STX7: variants seen among roughly 807,000 people sequenced by gnomAD.
STX7 encodes syntaxin-7.
A neutral mutation model predicts 39.6 loss-of-function variants in STX7; 34 were observed. The ratio of observed to expected loss-of-function variants is 0.86; its 90% CI spans 0.65 to 1.14. The LOEUF is 1.14. Among genes scored for constraint, STX7 ranks in the 50% most tolerant of loss-of-function variants. The pLI is 0.00. For missense variants in STX7, 284 were observed against 310.4 expected, an observed-to-expected ratio of 0.92 and a Z score of 0.64; for synonymous variants, 119 against 99.1, an observed-to-expected ratio of 1.20 and a Z score of -1.19.
rs1338882409 is a variant in STX7, at chr6:132,471,739, C to T, written c.250-139G>A. ...GGCCTTACAGATTAACTCTCAGTAACATTCTGATAGTATGTCAAATACTGT... is the reference window on the plus strand; with the variant it reads ...GGCCTTACAGATTAACTCTCAGTAATATTCTGATAGTATGTCAAATACTGT... On this transcript the variant is annotated intron_variant, in intron 4 of 9. Coordinates refer to ENST00000367941, the MANE Select transcript of STX7 (RefSeq NM_003569.3). 8.5e-6 allele frequency: 8 copies of T among 940,176 alleles called. No individual in the cohort carries two copies. The East Asian group carries it at 1.3e-4, about 15-fold the overall frequency. The allele number at this position is 940,176 out of a possible 1,614,324, so 58.2% of individuals were successfully genotyped here. A position where few individuals can be genotyped will look rare whatever the true frequency, so the allele number is the denominator to read the frequency against.
chr6:132,480,953 T>C (rs1273727000), intron 2 of STX7, among the ~76,000 whole-genome samples: 1 of 152,194 alleles, frequency 6.6e-6, no homozygotes, highest in Non-Finnish European at 1.5e-5. Flanking sequence ...GTACCATTTG[T>C]GGTTACTCTG....
chr6:132,466,940 G>A lies in STX7; in HGVS notation c.610+1463C>T, dbSNP rs115170482. Among the ~76,000 whole-genome samples, 446 of 152,028 alleles carry A rather than the reference G, an allele frequency of 2.9e-3. 5 individuals carry two copies. Among genetic ancestry groups the A allele is most frequent in the African/African-American group, 0.01 (420 of 41,468 alleles). On this transcript the variant is annotated intron_variant, in intron 8 of 9. Transcript: ENST00000367941. The stretch of plus-strand genomic sequence containing the variant: ...ACCCAGCCAGTCAGTAAATCTTTTC[G>A]GCTGTCCACTTAAAAAATATCTGAA...
intron 2 of STX7, among the ~76,000 whole-genome samples, chr6:132,500,795 A>G (rs9483471): frequency 0.022 from 3,373 of 152,294 alleles, 108 homozygotes; most frequent in African/African-American, 0.075. Context: ...ATTCTTATTA[A>G]TAAGTCTGAG....
chr6:132,504,871 T>C (rs897622688), intron 1 of STX7, among the ~76,000 whole-genome samples: 4 of 152,208 alleles, frequency 2.6e-5, no homozygotes, highest in African/African-American at 7.2e-5. Context: ...ATGACCAGTA[T>C]GCAGAACAAC....
chr6:132,456,420 G>C lies in STX7; in HGVS notation c.*4338C>G, dbSNP rs987195049. 2.6e-5 allele frequency: 4 copies of C among 152,082 alleles called. No homozygotes were observed. Among genetic ancestry groups the C allele is most frequent in the African/African-American group, 7.2e-5 (3 of 41,386 alleles). 9.4% of individuals were successfully genotyped at this position (152,082 alleles called of 1,614,324 possible). ...ATAACAAAACATAAACTCCCTGAGG[G>C]CAGGAAGCTTATTCTTTTGGTTCAC... On this transcript the variant is annotated 3_prime_UTR_variant, in exon 10 of 10. Transcript: ENST00000367941.
chr6:132,471,872 T>C (rs1246408454), intron 4 of STX7, among the ~76,000 whole-genome samples: 1 of 152,212 alleles, frequency 6.6e-6, no homozygotes, highest in East Asian at 1.9e-4. Context: ...AAGTAATTCT[T>C]TTTCAGGCAA....
At chr6:132,509,492 CA>C (rs1562343682) in intron 1 of STX7, among the ~76,000 whole-genome samples, 6 of 130,436 alleles carry the variant, frequency 4.6e-5, no homozygotes, top group Admixed American at 7.5e-5. Context: ...CATAACATAA[CA>C]TAACATAACA....
intron 8 of STX7, among the ~76,000 whole-genome samples, chr6:132,467,717 A>G (rs1774597297): frequency 6.6e-6 from 1 of 152,210 alleles, no homozygotes; most frequent in African/African-American, 2.4e-5. Flanking sequence ...GTAAAGGTGC[A>G]AATATTTCAG....
chr6:132,488,304 T>C (rs1233548152), intron 2 of STX7, among the ~76,000 whole-genome samples: 2 of 152,348 alleles, frequency 1.3e-5, no homozygotes, highest in East Asian at 3.9e-4. Context: ...ATGACAGGAA[T>C]AGAGTCTATC....
chr6:132,503,130 C>G (rs902377989), intron 2 of STX7, among the ~76,000 whole-genome samples: 6 of 152,156 alleles, frequency 3.9e-5, no homozygotes. Flanking sequence ...ACTGAGTCAT[C>G]AGGTCTCATC....
At chr6:132,497,476 T>C (rs1775445690) in intron 2 of STX7, among the ~76,000 whole-genome samples, 1 of 152,210 alleles carries the variant, frequency 6.6e-6, no homozygotes, top group Non-Finnish European at 1.5e-5. Context: ...ACATTTGTGG[T>C]AATACAATAG....
rs373984595 is a variant in STX7 at position 132,454,258 on chromosome 6, T to C, written c.*6500A>G. 202 of 151,036 alleles carry C rather than the reference T, an allele frequency of 1.3e-3. 3 individuals carry two copies. The highest frequency in any genetic ancestry group is 4.5e-3 in the African/African-American group (186 of 41,216). The allele number at this position is 151,036 out of a possible 1,614,324, so 9.4% of individuals were successfully genotyped here. ...AAAAACTATAAAAATGGAGAACAGA[T>C]TATGGTTGCCAAGGGTTAAGAAGGG... On this transcript the variant is annotated 3_prime_UTR_variant, in exon 10 of 10. Coordinates refer to ENST00000367941, the MANE Select transcript of STX7 (RefSeq NM_003569.3).
intron 1 of STX7, among the ~76,000 whole-genome samples, chr6:132,506,405 A>C (rs1048126388): frequency 6.6e-5 from 10 of 152,082 alleles, no homozygotes; most frequent in African/African-American, 2.2e-4. Flanking sequence ...TCAACAAAAA[A>C]CCCCACAAAT....
At chr6:132,508,291 C>T (rs763973648) in intron 1 of STX7, among the ~76,000 whole-genome samples, 3 of 152,224 alleles carry the variant, frequency 2.0e-5, no homozygotes, top group African/African-American at 2.4e-5. Context: ...AAAACTCACA[C>T]CAGTGTAGCC....
chr6:132,484,818 G>A (rs1482798791), intron 2 of STX7, among the ~76,000 whole-genome samples: 2 of 152,222 alleles, frequency 1.3e-5, no homozygotes, highest in East Asian at 3.9e-4. Context: ...CTGACCCTGG[G>A]CAATTTACCT....
rs1423078757 is a variant in STX7, at chr6:132,457,783, C to T, written c.*2975G>A. 6.6e-6 allele frequency: 1 copy of T among 152,258 alleles called. No individual in the cohort carries two copies. The highest frequency in any genetic ancestry group is 2.4e-5 in the African/African-American group (1 of 41,558). 9.4% of individuals were successfully genotyped at this position (152,258 alleles called of 1,614,324 possible). ...CTCAAATCCCTCAATCAACTTACTTCAGCCCATTCTGAAACTTCATATTGC... is the reference window on the plus strand; with the variant it reads ...CTCAAATCCCTCAATCAACTTACTTTAGCCCATTCTGAAACTTCATATTGC... On this transcript the variant is annotated 3_prime_UTR_variant, in exon 10 of 10. Coordinates refer to ENST00000367941, the MANE Select transcript of STX7 (RefSeq NM_003569.3).
In STX7 at chr6:132,451,087, T is replaced by C. The variant is rs368131199; in HGVS notation, c.*9671A>G. On this transcript the variant is annotated 3_prime_UTR_variant, in exon 10 of 10. Coordinates refer to ENST00000367941, the MANE Select transcript of STX7 (RefSeq NM_003569.3). ...AAACTGGATTTCTCATGGGGAACCA[T>C]GAAATTTTCTTTCCTTTTTTTTTTT... 7 of 150,510 alleles carry C rather than the reference T, an allele frequency of 4.7e-5. No homozygotes were observed. The highest frequency in any genetic ancestry group is 1.7e-4 in the African/African-American group (7 of 40,802). 9.3% of individuals were successfully genotyped at this position (150,510 alleles called of 1,614,324 possible).
rs772576698 is a variant in STX7, at chr6:132,470,014, T to G, written c.474A>C (p.Glu158Asp). Residue 158 changes from glutamate to aspartate, a missense_variant, in exon 7 of 10, where the codon GAA becomes GAC. Glu to Asp is a conservative substitution (Grantham distance 45). Transcript: ENST00000367941. Reference sequence around the variant, plus strand: ...GACGGAGGTCATCCTCTGTAATTTCTTCATCCTGCACCTGCACTTGAGGTT... The same window carrying G: ...GACGGAGGTCATCCTCTGTAATTTCGTCATCCTGCACCTGCACTTGAGGTT... The part of the protein sequence containing the change: ...QTQPQVQVQD[E>D]EITEDDLRLI... The G allele has an allele frequency of 1.3e-6, 2 of 1,595,912 alleles. No individual in the cohort carries two copies. Among genetic ancestry groups the G allele is most frequent in the Non-Finnish European group, 1.7e-6 (2 of 1,174,440 alleles).
intron 2 of STX7, among the ~76,000 whole-genome samples, chr6:132,476,851 T>A (rs1156647531): frequency 6.6e-6 from 1 of 152,058 alleles, no homozygotes; most frequent in African/African-American, 2.4e-5. Flanking sequence ...TGTGGGGACA[T>A]AAATAAAATG....
Sources: allele counts gnomAD v4.1 joint callset (sites outside exome capture counted in the v4.1 genomes callset), GRCh38; gene constraint gnomAD v4.1.1; transcripts MANE v1.5; gene names NCBI Gene and HGNC (gene_info 2026-07-23, HGNC 2026-07-21).